The following FOXJ2 variants were observed in gnomAD, a reference collection of about 807,000 sequenced individuals.
The protein encoded by FOXJ2 is forkhead box protein J2.
FOXJ2 carries 18 observed loss-of-function variants against 68.4 expected under a neutral mutation model. The observed-to-expected ratio is 0.26, with a 90% CI of 0.18 to 0.39. The LOEUF (loss-of-function observed/expected upper bound fraction) is 0.39. FOXJ2 is among the 10% of genes least tolerant of loss of function. The pLI is 1.00. For synonymous variants in FOXJ2, 274 were observed against 263.2 expected (o/e 1.04, Z -0.40); for missense variants, 670 against 726.5 (o/e 0.92, Z 0.89).
intron 1 of FOXJ2, among the ~76,000 whole-genome samples, chr12:8,034,603 A>G (rs910010377): frequency 1.3e-5 from 2 of 152,148 alleles, no homozygotes; most frequent in African/African-American, 4.8e-5. Flanking sequence ...ACAATTCTTC[A>G]GGAAAAATTA....
At chr12:8,048,880 TA>T (rs1947077438) in intron 8 of FOXJ2, 82 bp downstream of exon 8, 1 of 1,071,104 alleles carries the variant, frequency 9.3e-7, no homozygotes. Context: ...AGGGGGTGGT[TA>T]AATGAAGTTG....
Position 8,040,206 on chromosome 12 carries a change from A to T in FOXJ2, c.333+41A>T. On this transcript the variant is annotated intron_variant, in intron 2 of 10. Coordinates refer to ENST00000162391, the MANE Select transcript of FOXJ2 (RefSeq NM_018416.3). This position sits in a 1 kb window ranked among gnomAD's most constrained non-coding sequence, Gnocchi z 4.0. ...TAATCTTGGCTTAGGTTTAGGCTTCAACAGCCTTTTTAGAGAAAAAGGTTT... is the reference window on the plus strand; with the variant it reads ...TAATCTTGGCTTAGGTTTAGGCTTCTACAGCCTTTTTAGAGAAAAAGGTTT... 1 of 1,585,696 alleles carries T rather than the reference A, an allele frequency of 6.3e-7. No homozygotes were observed. The highest frequency in any genetic ancestry group is 1.1e-5 in the South Asian group (1 of 89,136).
In FOXJ2 at chr12:8,038,883, G is replaced by A. The variant is rs1946930183; in HGVS notation, c.-14-936G>A. Among the ~76,000 whole-genome samples, 1 of 152,190 alleles carries A rather than the reference G, an allele frequency of 6.6e-6. No individual in the cohort carries two copies. Among genetic ancestry groups the A allele is most frequent in the Admixed American group, 6.5e-5 (1 of 15,286 alleles). On this transcript the variant is annotated intron_variant, in intron 1 of 10. Coordinates refer to ENST00000162391, the MANE Select transcript of FOXJ2 (RefSeq NM_018416.3). The surrounding 1 kb of genome is among the most constrained non-coding windows in gnomAD (Gnocchi z 5.3). ...AGGAGGGAGGAGGAGGGCGGAGAAG[G>A]GGAGCCAGCTCCGAGCTCCAGAGTG... is the stretch of plus-strand genomic sequence containing the variant.
Position 8,048,772 on chromosome 12 carries a change from C to A in FOXJ2, c.1301C>A (p.Ser434Tyr), listed in dbSNP as rs748258200. ...SFKMVNRLNW[S>Y]SIEQSQFSEL... ...AAGATGGTGAATCGGCTCAATTGGT[C>A]CAGCATTGAGCAGTCACAATTCTCA... Residue 434 changes from serine to tyrosine, a missense_variant, in exon 8 of 11, where the codon TCC (serine) becomes TAC (tyrosine). Around this residue, in one of 2 missense-constraint regions of FOXJ2, gnomAD observed 555 missense variants for 562.2 expected, o/e 0.99. Coordinates refer to ENST00000162391, the MANE Select transcript of FOXJ2 (RefSeq NM_018416.3). The A allele has an allele frequency of 1.9e-6, 3 of 1,613,898 alleles. No homozygotes were observed. Among genetic ancestry groups the A allele is most frequent in the Non-Finnish European group, 1.7e-6 (2 of 1,179,920 alleles).
intron 8 of FOXJ2, among the ~76,000 whole-genome samples, chr12:8,049,015 C>T (rs1454840573): frequency 6.6e-6 from 1 of 152,128 alleles, no homozygotes; most frequent in Non-Finnish European, 1.5e-5. Context: ...TAATCCTAGT[C>T]CATTCTGTCT....
At chr12:8,041,900 G>A (rs1005789185) in intron 2 of FOXJ2, among the ~76,000 whole-genome samples, 1 of 147,944 alleles carries the variant, frequency 6.8e-6, no homozygotes, top group African/African-American at 2.5e-5. Flanking sequence ...TTTTTGAGAC[G>A]GAGTTTCGCT....
Position 8,054,783 on chromosome 12 carries a change from C to T in FOXJ2, c.*1933C>T, listed in dbSNP as rs1947166251. The T allele has an allele frequency of 6.6e-6, 1 of 152,280 alleles. No homozygotes were observed. Among genetic ancestry groups the T allele is most frequent in the South Asian group, 2.1e-4 (1 of 4,838 alleles). 9.4% of individuals were successfully genotyped at this position (152,280 alleles called of 1,614,324 possible). On this transcript the variant is annotated 3_prime_UTR_variant, in exon 11 of 11. Transcript: ENST00000162391. ...CTTTGCCCAGTGTCCCTATTTTAGG[C>T]ATCTTTTCCTTCCTTATTCCTTCCA...
Position 8,032,953 on chromosome 12 carries a change from G to C in FOXJ2, c.-895G>C, listed in dbSNP as rs1946854634. On this transcript the variant is annotated 5_prime_UTR_variant, in exon 1 of 11. Coordinates refer to ENST00000162391, the MANE Select transcript of FOXJ2 (RefSeq NM_018416.3). This position sits in a 1 kb window ranked among gnomAD's most constrained non-coding sequence, Gnocchi z 4.8. The stretch of plus-strand genomic sequence containing the variant: ...ACCGTGCTGCCCAGGCCAGCTCAGG[G>C]ACAGCCGGGAGTACGAAAGCCCCAC... 4 of 397,356 alleles carry C rather than the reference G, an allele frequency of 1.0e-5. No homozygotes were observed. The East Asian group carries it at 1.4e-4, about 14-fold the overall frequency. 24.6% of individuals were successfully genotyped at this position (397,356 alleles called of 1,614,324 possible).
Position 8,050,159 on chromosome 12 carries a change from A to T in FOXJ2, c.1538-363A>T, listed in dbSNP as rs1457038622. The T allele has an allele frequency of 3.5e-5, 8 of 225,842 alleles. No individual in the cohort carries two copies. The East Asian group carries it at 9.4e-4, about 26-fold the overall frequency. 14.0% of individuals were successfully genotyped at this position (225,842 alleles called of 1,614,324 possible). A position where few individuals can be genotyped will look rare whatever the true frequency, so the allele number is the denominator to read the frequency against. On this transcript the variant is annotated intron_variant, in intron 9 of 10. Transcript: ENST00000162391. ...CTAATTTTTTTTTTGTATTTTGTGT[A>T]TAGCTGGGGTTTCACCGTGTCGCCC... is the stretch of plus-strand genomic sequence containing the variant.
chr12:8,032,856 G>A lies in FOXJ2; in HGVS notation c.-992G>A. The A allele has an allele frequency of 2.5e-6, 1 of 398,318 alleles. No homozygotes were observed. The allele number at this position is 398,318 out of a possible 1,614,324, so 24.7% of individuals were successfully genotyped here. ...CCCACGCGCCGAAGGGAGCGGACCC[G>A]ACAGGACGGCCCTAGAGGAGGTGCT... On this transcript the variant is annotated 5_prime_UTR_variant, in exon 1 of 11. Transcript: ENST00000162391. This position sits in a 1 kb window ranked among gnomAD's most constrained non-coding sequence, Gnocchi z 4.8.
intron 8 of FOXJ2, 129 bp from the exon 9 acceptor site, chr12:8,049,233 A>G (rs1947080685): frequency 1.4e-6 from 1 of 706,628 alleles, no homozygotes; most frequent in South Asian, 1.9e-5. Flanking sequence ...AAAGATATAA[A>G]TTGTTATTGT....
intron 3 of FOXJ2, among the ~76,000 whole-genome samples, chr12:8,043,400 G>A (rs186412678): frequency 1.3e-5 from 2 of 152,082 alleles, no homozygotes; most frequent in East Asian, 1.9e-4. Flanking sequence ...TGTTTCCCCC[G>A]TAAAAGAGAA....
At chr12:8,043,591 G>A in intron 3 of FOXJ2, 110 bp from the exon 4 acceptor site, 1 of 1,040,064 alleles carries the variant, frequency 9.6e-7, no homozygotes, top group Non-Finnish European at 1.5e-6. Context: ...ATTACCTCTG[G>A]CATACTCAGT....
Position 8,032,809 on chromosome 12 carries a change from G to A in FOXJ2, c.-1039G>A. ...CGGGAGCCCAGACTGGTCGGAGCCC[G>A]AGCGGTGGCAGCGCGGGGAGCCCCA... On this transcript the variant is annotated 5_prime_UTR_variant, in exon 1 of 11. Transcript: ENST00000162391. This position sits in a 1 kb window ranked among gnomAD's most constrained non-coding sequence, Gnocchi z 4.8. 2.5e-6 allele frequency: 1 copy of A among 398,300 alleles called. No individual in the cohort carries two copies. Among genetic ancestry groups the A allele is most frequent in the Non-Finnish European group, 4.4e-6 (1 of 225,890 alleles). 24.7% of individuals were successfully genotyped at this position (398,300 alleles called of 1,614,324 possible).
rs1044055507 is a variant in FOXJ2 at position 8,038,369 on chromosome 12, C to A, written c.-14-1450C>A. Reference sequence around the variant, plus strand: ...GGTCCTATCTGCTGTTGAGCTTTGGCCTGCAAAGTGTGTGGATCTGTTGTA... The same window carrying A: ...GGTCCTATCTGCTGTTGAGCTTTGGACTGCAAAGTGTGTGGATCTGTTGTA... On this transcript the variant is annotated intron_variant, in intron 1 of 10. Coordinates refer to ENST00000162391, the MANE Select transcript of FOXJ2 (RefSeq NM_018416.3). This position sits in a 1 kb window ranked among gnomAD's most constrained non-coding sequence, Gnocchi z 5.3. 6.6e-6 allele frequency among the ~76,000 whole-genome samples: 1 copy of A among 152,124 alleles called. No individual in the cohort carries two copies. The highest frequency in any genetic ancestry group is 2.4e-5 in the African/African-American group (1 of 41,402).
Position 8,044,786 on chromosome 12 carries a change from A to G in FOXJ2, c.645A>G (p.Ala215=). The change falls in exon 6 of 11, where the codon GCA becomes GCG. Residue 215 remains alanine (A), a synonymous_variant. Transcript: ENST00000162391. ...SQGTGSVDGG[A]VAAGASGRES... is the part of the protein sequence containing the mutation. ...GCACAGGATCTGTGGATGGTGGAGC[A>G]GTGGCAGCAGGGGCTTCAGGCCGAG... 1 of 1,613,962 alleles carries G rather than the reference A, an allele frequency of 6.2e-7. No homozygotes were observed.
intron 10 of FOXJ2, among the ~76,000 whole-genome samples, chr12:8,051,001 T>C (rs1337469024): frequency 5.2e-5 from 5 of 96,852 alleles, no homozygotes; most frequent in Admixed American, 1.1e-4. Flanking sequence ...CCCTTCCCTT[T>C]CCTTCCCCTT....
intron 1 of FOXJ2, 96 bp from the exon 2 acceptor site, chr12:8,039,723 G>C: frequency 9.3e-7 from 1 of 1,070,324 alleles, no homozygotes; most frequent in Non-Finnish European, 1.4e-6. Flanking sequence ...TGTCTTATGG[G>C]AATGAGAGTA....
chr12:8,044,589 G>C lies in FOXJ2; in HGVS notation c.619-171G>C, dbSNP rs75764511. ...GAAATGGAGACTGATGAGAGAAAGA[G>C]GGTAGATTCAAGATAAGAACTAATG... On this transcript the variant is annotated intron_variant, in intron 5 of 10. Coordinates refer to ENST00000162391, the MANE Select transcript of FOXJ2 (RefSeq NM_018416.3). Among the ~76,000 whole-genome samples the C allele has an allele frequency of 5.0e-3, 762 of 152,264 alleles. 3 individuals carry two copies. The highest frequency in any genetic ancestry group is 0.017 in the African/African-American group (712 of 41,556).
Sources: allele counts gnomAD v4.1 joint callset (sites outside exome capture counted in the v4.1 genomes callset), GRCh38; gene constraint gnomAD v4.1.1; regional missense constraint gnomAD v4.1.1; non-coding constraint Gnocchi (gnomAD v3.1); transcripts MANE v1.5; gene names NCBI Gene and HGNC (gene_info 2026-07-23, HGNC 2026-07-21).